PCSK5: variants seen among roughly 807,000 people sequenced by gnomAD.
PCSK5 encodes the protein proprotein convertase subtilisin/kexin type 5.
Under a neutral mutation model 233.2 loss-of-function variants are expected in PCSK5, and 129 were observed. The observed-to-expected ratio is 0.55, with a 90% CI of 0.48 to 0.64. The LOEUF (loss-of-function observed/expected upper bound fraction) is 0.64, where lower values mean the gene tolerates loss of function less well. Ranked by LOEUF, PCSK5 falls within the 30% of genes least tolerant of loss-of-function variation. The probability of loss-of-function intolerance (pLI) is 0.00; values close to 1 mark genes in which losing one functional copy is unlikely to be tolerated. For synonymous variants in PCSK5, 825 were observed against 879.2 expected (o/e 0.94, Z 1.09); for missense variants, 2,076 against 2,430.1 (o/e 0.85, Z 3.06).
intron 5 of PCSK5, among the ~76,000 whole-genome samples, chr9:76,051,815 A>G (rs1477721037): frequency 6.6e-6 from 1 of 152,198 alleles, no homozygotes; most frequent in Non-Finnish European, 1.5e-5. Context: ...GGAAAATCAG[A>G]CAGGCTGCTC....
intron 25 of PCSK5, among the ~76,000 whole-genome samples, chr9:76,294,576 C>G (rs1056266734): frequency 6.6e-6 from 1 of 152,100 alleles, no homozygotes; most frequent in Non-Finnish European, 1.5e-5. Flanking sequence ...CGTTAGCTAG[C>G]TCTGTGATTT....
intron 2 of PCSK5, among the ~76,000 whole-genome samples, chr9:75,965,928 G>A (rs144439867): frequency 6.6e-6 from 1 of 152,322 alleles, no homozygotes; most frequent in Admixed American, 6.5e-5. Context: ...GCAGTGATGT[G>A]GTTTGTAATT....
chr9:76,024,023 A>T (rs1332798124), intron 4 of PCSK5, 142 bp downstream of exon 4: 17 of 611,918 alleles, frequency 2.8e-5, no homozygotes, highest in Non-Finnish European at 3.7e-5. Flanking sequence ...CTGGTAAAAG[A>T]TGAGAATTCT....
At chr9:75,922,471 G>GA (rs1019148425) in intron 1 of PCSK5, among the ~76,000 whole-genome samples, 31 of 152,018 alleles carry the variant, frequency 2.0e-4, no homozygotes, top group African/African-American at 7.2e-4. Context: ...TGTTACATGA[G>GA]AAAAAAATGG....
intron 35 of PCSK5, among the ~76,000 whole-genome samples, chr9:76,343,401 C>A (rs987177454): frequency 6.7e-6 from 1 of 150,296 alleles, no homozygotes; most frequent in African/African-American, 2.5e-5. Context: ...TGGGGTTTCA[C>A]CATGTTGGCC....
chr9:76,348,799 C>T (rs1236323529), intron 35 of PCSK5, among the ~76,000 whole-genome samples: 1 of 151,874 alleles, frequency 6.6e-6, no homozygotes, highest in Non-Finnish European at 1.5e-5. Context: ...CCAGTCCCCT[C>T]AGCCCCCCAG....
At chr9:76,291,095 C>T (rs1828262511) in intron 24 of PCSK5, among the ~76,000 whole-genome samples, 1 of 152,218 alleles carries the variant, frequency 6.6e-6, no homozygotes, top group Non-Finnish European at 1.5e-5. Context: ...CAGATCCCTG[C>T]TTTAATTAGC....
chr9:76,168,359 G>C (rs139428475), intron 12 of PCSK5, among the ~76,000 whole-genome samples: 2,017 of 152,294 alleles, frequency 0.013, 53 homozygotes, highest in African/African-American at 0.045. Context: ...ATGTTGGCCA[G>C]ACTGGTCTGA....
At chr9:76,026,918 A>G (rs1036414025) in intron 4 of PCSK5, 43 bp from the exon 5 acceptor site, 6 of 1,336,654 alleles carry the variant, frequency 4.5e-6, no homozygotes, top group Non-Finnish European at 6.4e-6. Flanking sequence ...CTAATTAATG[A>G]ATGTCCATTT....
At position 76,217,325 on chromosome 9, in the gene PCSK5, TCTCTCTGGTGTTTG is replaced by T. The variant is rs536186401; in HGVS notation, c.2627-10165_2627-10152del. Among the ~76,000 whole-genome samples the T allele has an allele frequency of 6.6e-4, 100 of 152,316 alleles. 1 individual carries two copies. Among genetic ancestry groups the T allele is most frequent in the South Asian group, 1.7e-3 (8 of 4,826 alleles). ...GTTGAGCGTTGAGTGTTTCTAAAGG[TCTCTCTGGTGTTTG>T]CTCTCTGGTGTTGCTTATCTGAGGG... is the stretch of plus-strand genomic sequence containing the variant. On this transcript the variant is annotated intron_variant, in intron 20 of 37. Coordinates refer to ENST00000674117, the MANE Select transcript of PCSK5 (RefSeq NM_001372043.1).
At position 75,986,012 on chromosome 9, in the gene PCSK5, C is replaced by A. The variant is rs556372091; in HGVS notation, c.298-120C>A. ...CACTTAGACTCAGAGATTTTAGTAGCCACAGTGAAACTTGTGACTTAAATA... is the reference window on the plus strand; with the variant it reads ...CACTTAGACTCAGAGATTTTAGTAGACACAGTGAAACTTGTGACTTAAATA... On this transcript the variant is annotated intron_variant, in intron 2 of 37. Transcript: ENST00000674117. 9.5e-6 allele frequency: 6 copies of A among 631,282 alleles called. No homozygotes were observed. In the South Asian group the frequency reaches 1.0e-4, roughly 10 times the overall value. The allele number at this position is 631,282 out of a possible 1,614,324, so 39.1% of individuals were successfully genotyped here.
intron 1 of PCSK5, among the ~76,000 whole-genome samples, chr9:75,924,137 C>A (rs569369939): frequency 6.6e-6 from 1 of 152,220 alleles, no homozygotes; most frequent in South Asian, 2.1e-4. Flanking sequence ...AATCAGCCGA[C>A]CACATACCTG....
At chr9:75,969,678 G>A (rs75330875) in intron 2 of PCSK5, among the ~76,000 whole-genome samples, 7 of 152,064 alleles carry the variant, frequency 4.6e-5, no homozygotes, top group Non-Finnish European at 7.4e-5. Context: ...TCACGAACGC[G>A]TTACCATAGT....
chr9:76,358,196 G>A (rs1253846123), intron 37 of PCSK5, among the ~76,000 whole-genome samples: 1 of 152,032 alleles, frequency 6.6e-6, no homozygotes, highest in Non-Finnish European at 1.5e-5. Flanking sequence ...TTTATACAGT[G>A]GTATGCCTTC....
rs929679024 is a variant in PCSK5, at chr9:76,216,585, C to A, written c.2627-10918C>A. Among the ~76,000 whole-genome samples the A allele has an allele frequency of 2.0e-5, 3 of 152,132 alleles. No homozygotes were observed. The South Asian group carries it at 6.3e-4, about 32-fold the overall frequency. ...AGGAAGAGCTGACCTGCCTTTCTGT[C>A]CAATATTGGTTTAAGATGCCCACAA... On this transcript the variant is annotated intron_variant, in intron 20 of 37. Coordinates refer to ENST00000674117, the MANE Select transcript of PCSK5 (RefSeq NM_001372043.1).
chr9:76,003,095 C>G (rs999075181), intron 3 of PCSK5, among the ~76,000 whole-genome samples: 1 of 152,166 alleles, frequency 6.6e-6, no homozygotes, highest in African/African-American at 2.4e-5. Context: ...GGGAGAGTAG[C>G]ATGTAAGAGA....
At chr9:76,150,290 G>C (rs1475364317) in intron 10 of PCSK5, among the ~76,000 whole-genome samples, 1 of 152,138 alleles carries the variant, frequency 6.6e-6, no homozygotes, top group South Asian at 2.1e-4. Flanking sequence ...GGATCTGGCT[G>C]GAGTTGTTAT....
chr9:76,338,217 C>T lies in PCSK5; in HGVS notation c.4749-13C>T, dbSNP rs778471357. ...AGCTTACTATTCCATCTTTTCTTCT[C>T]CTTTGGTTTCAGATATTACGCAGAC... On this transcript the variant is annotated splice_polypyrimidine_tract_variant and intron_variant, in intron 34 of 37. Transcript: ENST00000674117. 1.5e-5 allele frequency: 24 copies of T among 1,593,388 alleles called. No individual in the cohort carries two copies. Among genetic ancestry groups the T allele is most frequent in the Non-Finnish European group, 2.1e-5 (24 of 1,165,278 alleles).
intron 36 of PCSK5, among the ~76,000 whole-genome samples, chr9:76,353,424 C>G (rs1830219090): frequency 6.6e-6 from 1 of 152,186 alleles, no homozygotes; most frequent in South Asian, 2.1e-4. Flanking sequence ...AAGCAGGTCA[C>G]TAACATAAAT....
Sources: gnomAD v4.1 joint callset for allele counts (sites outside exome capture counted in the v4.1 genomes callset) on GRCh38, gnomAD v4.1.1 for gene constraint, MANE v1.5 for transcripts, NCBI Gene and HGNC (gene_info 2026-07-23, HGNC 2026-07-21) for gene names.